DNAH11: variants seen among roughly 807,000 people sequenced by gnomAD.
The protein encoded by DNAH11 is axonemal beta dynein heavy chain 11.
Under a neutral mutation model 526.0 loss-of-function variants are expected in DNAH11, and 442 were observed. The ratio of observed to expected loss-of-function variants is 0.84; its 90% CI spans 0.78 to 0.91. The LOEUF is 0.91. Among genes scored for constraint, DNAH11 ranks in the 40% least tolerant of loss-of-function variants. DNAH11 has a pLI of 0.00. For missense variants in DNAH11, 6,989 were observed against 5,448.7 expected (o/e 1.28, Z -8.90); for synonymous variants, 2,461 against 1,935.9 (o/e 1.27, Z -7.12).
intron 55 of DNAH11, among the ~76,000 whole-genome samples, chr7:21,770,390 C>T (rs960517269): frequency 6.6e-6 from 1 of 152,330 alleles, no homozygotes; most frequent in East Asian, 1.9e-4. Flanking sequence ...TGACCCATTA[C>T]ATGAGGTCAT....
rs72655969 is a variant in DNAH11 at position 21,545,075 on chromosome 7, G to T, written c.421G>T (p.Asp141Tyr). The T allele has an allele frequency of 4.3e-3, 6,897 of 1,606,810 alleles. 202 individuals are homozygous for T. The African/African-American group carries it at 0.072, about 17-fold the overall frequency. The change falls in exon 2 of 82, where the codon GAC becomes TAC. Residue 141 changes from aspartate to tyrosine, a missense_variant. Transcript: ENST00000409508. ...GATTACTGAAAGCATTGGAGTAAATGACTTTTCTCAAGTGGTTTTATTTGG... is the reference window on the plus strand; with the variant it reads ...GATTACTGAAAGCATTGGAGTAAATTACTTTTCTCAAGTGGTTTTATTTGG... ...KKITESIGVN[D>Y]FSQVVLFGEL...
chr7:21,851,485 G>C, intron 66 of DNAH11: 2 of 465,128 alleles, frequency 4.3e-6, no homozygotes, highest in Non-Finnish European at 8.9e-6. Context: ...TTGTGGGCAG[G>C]CTTTGGTTAA....
chr7:21,760,280 T>C (rs1161669949), intron 54 of DNAH11, among the ~76,000 whole-genome samples: 1 of 151,916 alleles, frequency 6.6e-6, no homozygotes, highest in African/African-American at 2.4e-5. Context: ...CTACAGAGAG[T>C]TGATTGGTGA....
At chr7:21,746,481 T>C (rs1786157923) in intron 51 of DNAH11, among the ~76,000 whole-genome samples, 1 of 151,794 alleles carries the variant, frequency 6.6e-6, no homozygotes, top group Admixed American at 6.6e-5. Flanking sequence ...TATGTGCCTG[T>C]AGTCTCAGCC....
Position 21,588,519 on chromosome 7 carries a change from G to T in DNAH11, c.1856G>T (p.Cys619Phe), listed in dbSNP as rs759607757. The change falls in exon 11 of 82, where the codon TGT becomes TTT. Residue 619 changes from cysteine to phenylalanine, a missense_variant. Coordinates refer to ENST00000409508, the MANE Select transcript of DNAH11 (RefSeq NM_001277115.2). ...LYNEHMKQIECGHVVLNKNMP... is the reference protein window; with the variant it reads ...LYNEHMKQIEFGHVVLNKNMP... ...CAAAATATCAACTTGCAGATTGAAT[G>T]TGGTCATGTAGTTCTTAACAAGAAC... The T allele has an allele frequency of 2.5e-6, 4 of 1,613,554 alleles. No homozygotes were observed. Among genetic ancestry groups the T allele is most frequent in the South Asian group, 1.1e-5 (1 of 91,010 alleles).
intron 74 of DNAH11, among the ~76,000 whole-genome samples, chr7:21,874,607 G>T (rs976509909): frequency 6.6e-6 from 1 of 151,772 alleles, no homozygotes; most frequent in African/African-American, 2.4e-5. Context: ...ATTCCACCTT[G>T]GCTGGAATTA....
Position 21,589,295 on chromosome 7 carries a change from T to C in DNAH11, c.2061T>C (p.Tyr687=). 6.2e-7 allele frequency: 1 copy of C among 1,610,610 alleles called. No homozygotes were observed. Among genetic ancestry groups the C allele is most frequent in the East Asian group, 2.2e-5 (1 of 44,654 alleles). Residue 687 remains tyrosine (Y), a synonymous_variant, in exon 12 of 82, where the codon TAT becomes TAC. Transcript: ENST00000409508. The part of the protein sequence containing the change: ...TLLDQFESRI[Y]NEWKSNVDEI... ...TTGATCAATTTGAAAGTCGTATCTA[T>C]AATGAATGGAAAAGTAATGTGGATG...
Position 21,685,629 on chromosome 7 carries a change from G to A in DNAH11, c.5622-1470G>A, listed in dbSNP as rs548881537. The stretch of plus-strand genomic sequence containing the variant: ...TGTCTCCTTCTTCCATATGTGGATG[G>A]GTTCAGAGACTTAAGTCAACTGTGT... On this transcript the variant is annotated intron_variant, in intron 32 of 81. Coordinates refer to ENST00000409508, the MANE Select transcript of DNAH11 (RefSeq NM_001277115.2). Among the ~76,000 whole-genome samples the A allele has an allele frequency of 1.7e-4, 26 of 152,278 alleles. No individual in the cohort carries two copies. The South Asian group carries it at 5.4e-3, about 32-fold the overall frequency.
intron 46 of DNAH11, 46 bp downstream of exon 46, chr7:21,735,890 TCAAGGC>T: frequency 1.3e-6 from 2 of 1,535,506 alleles, no homozygotes. Flanking sequence ...TCAAAAATCA[TCAAGGC>T]GGGCACATGC....
At chr7:21,615,610 A>C (rs1785736042) in intron 21 of DNAH11, among the ~76,000 whole-genome samples, 1 of 151,984 alleles carries the variant, frequency 6.6e-6, no homozygotes, top group African/African-American at 2.4e-5. Flanking sequence ...CAACTCATAC[A>C]TATTCCTATG....
Position 21,749,797 on chromosome 7 carries a change from A to G in DNAH11, c.8793A>G (p.Ala2931=), listed in dbSNP as rs1786328695. ...SFLVLINDLL[A]SGEIPDLFSD... is the part of the protein sequence containing the mutation. ...TCGTGCTGATTAATGACTTGCTGGC[A>G]TCAGGTGATTAAACCAACACATTTC... The change falls in exon 53 of 82, where the codon GCA becomes GCG. Residue 2931 remains alanine, a synonymous_variant. Transcript: ENST00000409508. 14 of 1,613,752 alleles carry G rather than the reference A, an allele frequency of 8.7e-6. No individual in the cohort carries two copies. Among genetic ancestry groups the G allele is most frequent in the South Asian group, 2.2e-5 (2 of 91,026 alleles).
At chr7:21,786,485 T>A in intron 58 of DNAH11, 139 bp from the exon 59 acceptor site, 1 of 1,040,448 alleles carries the variant, frequency 9.6e-7, no homozygotes, top group Non-Finnish European at 1.3e-6. Context: ...AGTCCCCAGG[T>A]GGCAAAGAAT....
intron 21 of DNAH11, 129 bp from the exon 22 acceptor site, chr7:21,616,080 T>C: frequency 1.4e-6 from 1 of 698,080 alleles, no homozygotes; most frequent in Non-Finnish European, 2.4e-6. Flanking sequence ...ACAAGTGCAG[T>C]TAATATTTTA....
At chr7:21,749,553 C>A (rs1786308635) in intron 52 of DNAH11, 125 bp from the exon 53 acceptor site, 2 of 1,275,348 alleles carry the variant, frequency 1.6e-6, no homozygotes, top group East Asian at 2.5e-5. Context: ...AATATGTAAA[C>A]CAGGGAAAGG....
intron 42 of DNAH11, among the ~76,000 whole-genome samples, chr7:21,716,290 C>T (rs1298459702): frequency 6.6e-6 from 1 of 152,152 alleles, no homozygotes; most frequent in East Asian, 1.9e-4. Flanking sequence ...GCGATCTAAA[C>T]CTGAGTTTCC....
At chr7:21,789,177 A>C in intron 60 of DNAH11, 64 bp from the exon 61 acceptor site, 1 of 1,184,246 alleles carries the variant, frequency 8.4e-7, no homozygotes, top group Non-Finnish European at 1.2e-6. Flanking sequence ...TAAAGCATCC[A>C]TCCTATCTGG....
chr7:21,720,934 T>G, intron 44 of DNAH11, 78 bp downstream of exon 44: 1 of 1,531,054 alleles, frequency 6.5e-7, no homozygotes, highest in Non-Finnish European at 8.8e-7. Context: ...AAACATGTGA[T>G]CTGTACCTTT....
chr7:21,582,555 C>T (rs189437284), intron 9 of DNAH11, among the ~76,000 whole-genome samples: 28 of 152,038 alleles, frequency 1.8e-4, no homozygotes, highest in Non-Finnish European at 1.5e-4. Context: ...GTATTTCAGT[C>T]GCAGAGATTT....
intron 65 of DNAH11, among the ~76,000 whole-genome samples, chr7:21,822,002 C>T (rs1012283133): frequency 2.6e-5 from 4 of 151,812 alleles, no homozygotes; most frequent in Non-Finnish European, 5.9e-5. Context: ...AACATAATAC[C>T]CTCCAGTTCC....
Sources: allele counts gnomAD v4.1 joint callset (sites outside exome capture counted in the v4.1 genomes callset), GRCh38; gene constraint gnomAD v4.1.1; transcripts MANE v1.5; gene names NCBI Gene and HGNC (gene_info 2026-07-23, HGNC 2026-07-21).